LRRC4C: variants seen among roughly 807,000 people sequenced by gnomAD.
LRRC4C encodes leucine rich repeat containing 4C, also known as leucine-rich repeat-containing protein 4C.
A neutral mutation model predicts 33.6 loss-of-function variants in LRRC4C; 5 were observed. That is an observed-to-expected ratio of 0.15 (90% CI 0.08 to 0.31). The LOEUF (loss-of-function observed/expected upper bound fraction) is 0.31. Among genes scored for constraint, LRRC4C ranks in the 10% least tolerant of loss-of-function variants. The pLI, the probability that LRRC4C is intolerant of heterozygous loss-of-function variation, is 1.00. For missense variants in LRRC4C, 560 were observed against 796.7 expected (o/e 0.70, Z 3.58); for synonymous variants, 329 against 302.0 (o/e 1.09, Z -0.93).
At chr11:40,704,837 C>T (rs1336570486) in intron 2 of LRRC4C, among the ~76,000 whole-genome samples, 2 of 152,114 alleles carry the variant, frequency 1.3e-5, no homozygotes, top group East Asian at 3.9e-4. Flanking sequence ...GGAAACTGCA[C>T]TATTTTAAGG....
At chr11:40,902,109 T>G (rs927510976) in intron 2 of LRRC4C, among the ~76,000 whole-genome samples, 3 of 152,022 alleles carry the variant, frequency 2.0e-5, no homozygotes, top group Non-Finnish European at 2.9e-5. Context: ...AATGTTTACA[T>G]TTTGGAATTT....
chr11:40,778,811 T>G (rs1426922525), intron 2 of LRRC4C, among the ~76,000 whole-genome samples: 7 of 152,142 alleles, frequency 4.6e-5, no homozygotes, highest in Non-Finnish European at 7.3e-5. Flanking sequence ...TTTTCATTAT[T>G]CTAAGAATAA....
chr11:40,822,908 C>T (rs952914270), intron 2 of LRRC4C, among the ~76,000 whole-genome samples: 3 of 151,592 alleles, frequency 2.0e-5, no homozygotes, highest in Non-Finnish European at 4.4e-5. Flanking sequence ...CCAGTTTTCC[C>T]AGCACCATTT....
At chr11:41,309,985 C>T (rs910309050) in intron 1 of LRRC4C, among the ~76,000 whole-genome samples, 4 of 152,214 alleles carry the variant, frequency 2.6e-5, no homozygotes, top group Admixed American at 2.6e-4. Context: ...CCTATCTGCC[C>T]TTAAACCTTC....
At chr11:40,169,714 A>T (rs1246562662) in intron 5 of LRRC4C, among the ~76,000 whole-genome samples, 1 of 152,182 alleles carries the variant, frequency 6.6e-6, no homozygotes, top group Non-Finnish European at 1.5e-5. Context: ...TCTATTCTAG[A>T]TCTTACTCCA....
chr11:41,421,798 C>T lies in LRRC4C; in HGVS notation c.-496+37633G>A, dbSNP rs182184551. 3.9e-5 allele frequency among the ~76,000 whole-genome samples: 6 copies of T among 152,032 alleles called. No individual in the cohort carries two copies. In the East Asian group the frequency reaches 9.7e-4, roughly 25 times the overall value. ...GGAGAATTAATTATGAATGTGGAAT[C>T]AGCATCATTGTCGATCCGGGAAGCT... On this transcript the variant is annotated intron_variant, in intron 1 of 6. Transcript: ENST00000528697.
intron 1 of LRRC4C, among the ~76,000 whole-genome samples, chr11:41,215,325 T>TA (rs1165499804): frequency 6.6e-6 from 1 of 151,438 alleles, no homozygotes; most frequent in Admixed American, 6.6e-5. Context: ...CTGCCTCTAC[T>TA]AAAAATACAA....
intron 5 of LRRC4C, among the ~76,000 whole-genome samples, chr11:40,166,410 C>T (rs1859599207): frequency 6.6e-6 from 1 of 152,126 alleles, no homozygotes; most frequent in South Asian, 2.1e-4. Flanking sequence ...TCTTAATCTA[C>T]ACTCTTTGAT....
At chr11:41,217,152 T>C (rs80248260) in intron 1 of LRRC4C, among the ~76,000 whole-genome samples, 1 of 152,142 alleles carries the variant, frequency 6.6e-6, no homozygotes, top group East Asian at 1.9e-4. Context: ...TTTGGCCATA[T>C]AATGAATGGA....
At chr11:40,291,937 T>A (rs1944226687) in intron 4 of LRRC4C, among the ~76,000 whole-genome samples, 2 of 151,738 alleles carry the variant, frequency 1.3e-5, no homozygotes, top group African/African-American at 4.8e-5. Flanking sequence ...GGAGCTTTTT[T>A]TTTTTTTCCT....
At chr11:40,140,237 A>G (rs544947014) in intron 6 of LRRC4C, among the ~76,000 whole-genome samples, 23 of 152,334 alleles carry the variant, frequency 1.5e-4, no homozygotes, top group African/African-American at 5.3e-4. Context: ...GCAAAGAGTC[A>G]GTGTTCCTGC....
chr11:40,867,868 C>A (rs889607634), intron 2 of LRRC4C, among the ~76,000 whole-genome samples: 4 of 152,184 alleles, frequency 2.6e-5, no homozygotes, highest in African/African-American at 9.7e-5. Context: ...CCCCATCCAG[C>A]ATGCTCATTA....
intron 6 of LRRC4C, among the ~76,000 whole-genome samples, chr11:40,124,999 T>C (rs539642940): frequency 2.3e-4 from 35 of 151,938 alleles, no homozygotes; most frequent in African/African-American, 7.5e-4. Context: ...AAATTCTATT[T>C]CCTAACCATT....
intron 1 of LRRC4C, among the ~76,000 whole-genome samples, chr11:41,386,139 T>C (rs900628024): frequency 1.3e-5 from 2 of 151,670 alleles, no homozygotes; most frequent in Non-Finnish European, 3.0e-5. Context: ...GTTTATTCCA[T>C]TTGATACTTA....
In LRRC4C at chr11:40,562,015, T is replaced by G. The variant is rs72886916; in HGVS notation, c.-270+86127A>C. 3.6e-3 allele frequency among the ~76,000 whole-genome samples: 546 copies of G among 152,292 alleles called. 2 individuals are homozygous for G. Among genetic ancestry groups the G allele is most frequent in the Non-Finnish European group, 6.0e-3 (406 of 68,026 alleles). ...ATTATATTGAAACTATCCAATAAAC[T>G]GAGAGAAAATATCACCCACATAGGT... On this transcript the variant is annotated intron_variant, in intron 3 of 6. Coordinates refer to ENST00000528697, the MANE Select transcript of LRRC4C (RefSeq NM_001258419.2).
chr11:40,951,997 G>C (rs937591271), intron 1 of LRRC4C, among the ~76,000 whole-genome samples: 2 of 151,596 alleles, frequency 1.3e-5, no homozygotes, highest in Admixed American at 6.6e-5. Context: ...TTGCTCTAAG[G>C]GTTAAATAAG....
At chr11:41,351,007 AT>A (rs1465145009) in intron 1 of LRRC4C, among the ~76,000 whole-genome samples, 1 of 152,134 alleles carries the variant, frequency 6.6e-6, no homozygotes, top group Admixed American at 6.5e-5. Context: ...AGGAGGGTGG[AT>A]TGCTTGAACT....
intron 1 of LRRC4C, among the ~76,000 whole-genome samples, chr11:41,124,445 A>G (rs1942636477): frequency 6.6e-6 from 1 of 152,216 alleles, no homozygotes; most frequent in East Asian, 1.9e-4. Context: ...CCAGTGGGCT[A>G]GGGAACTGTC....
At chr11:41,187,990 A>G (rs1379070726) in intron 1 of LRRC4C, among the ~76,000 whole-genome samples, 2 of 152,210 alleles carry the variant, frequency 1.3e-5, no homozygotes, top group Non-Finnish European at 2.9e-5. Flanking sequence ...AAGTGGCAGT[A>G]AATGTTAATT....
Sources: allele counts gnomAD v4.1 joint callset (sites outside exome capture counted in the v4.1 genomes callset), GRCh38; gene constraint gnomAD v4.1.1; transcripts MANE v1.5; gene names NCBI Gene and HGNC (gene_info 2026-07-23, HGNC 2026-07-21).